DNAH9: variants seen among roughly 807,000 people sequenced by gnomAD.
DNAH9 encodes dynein axonemal heavy chain 9.
Under a neutral mutation model 471.6 loss-of-function variants are expected in DNAH9, and 345 were observed. That is an observed-to-expected ratio of 0.73 (90% CI 0.67 to 0.80). The LOEUF is 0.80. Ranked by LOEUF, DNAH9 falls within the 30% of genes least tolerant of loss-of-function variation. DNAH9 has a pLI of 0.00. For synonymous variants in DNAH9, 2,093 were observed against 2,123.6 expected, an observed-to-expected ratio of 0.99 and a Z score of 0.40; for missense variants, 5,407 against 5,609.2, an observed-to-expected ratio of 0.96 and a Z score of 1.15.
At chr17:11,840,266 A>G (rs1970985827) in intron 49 of DNAH9, among the ~76,000 whole-genome samples, 1 of 152,198 alleles carries the variant, frequency 6.6e-6, no homozygotes, top group Non-Finnish European at 1.5e-5. Context: ...ACATAAACAG[A>G]AATACACTGT....
intron 67 of DNAH9, among the ~76,000 whole-genome samples, chr17:11,952,162 CAG>C (rs1261071550): frequency 5.1e-4 from 60 of 117,142 alleles, no homozygotes; most frequent in Non-Finnish European, 2.8e-4. Flanking sequence ...TTTTTTTTGA[CAG>C]AGTCTTGCTC....
intron 1 of DNAH9, among the ~76,000 whole-genome samples, chr17:11,604,887 A>G (rs907017646): frequency 6.6e-6 from 1 of 152,186 alleles, no homozygotes; most frequent in Non-Finnish European, 1.5e-5. Context: ...CTTAGAGCCT[A>G]TAATCACGGC....
Position 11,701,228 on chromosome 17 carries a change from T to G in DNAH9, c.5132T>G (p.Leu1711Arg), listed in dbSNP as rs1259842359. The change falls in exon 24 of 69, where the codon CTT becomes CGT. Residue 1711 changes from leucine to arginine, a missense_variant. Coordinates refer to ENST00000262442, the MANE Select transcript of DNAH9 (RefSeq NM_001372.4). ...GAAGAAAAGCCGAGGGAGCAGTGGC[T>G]TTTTGACCACCCAGCTCAGGTATTC... ...AYEEKPREQW[L>R]FDHPAQVALT... 1 of 1,613,508 alleles carries G rather than the reference T, an allele frequency of 6.2e-7. No individual in the cohort carries two copies. Among genetic ancestry groups the G allele is most frequent in the East Asian group, 2.2e-5 (1 of 44,850 alleles).
intron 43 of DNAH9, among the ~76,000 whole-genome samples, chr17:11,800,974 G>C (rs140247820): frequency 3.0e-4 from 45 of 152,252 alleles, no homozygotes; most frequent in African/African-American, 1.0e-3. Context: ...ATTATAACTA[G>C]GGTCATCAGG....
At position 11,871,799 on chromosome 17, in the gene DNAH9, T is replaced by C. The variant is rs1462471462; in HGVS notation, c.10242+13T>C. The C allele has an allele frequency of 1.9e-6, 3 of 1,612,560 alleles. No homozygotes were observed. Among genetic ancestry groups the C allele is most frequent in the Non-Finnish European group, 2.5e-6 (3 of 1,179,038 alleles). On this transcript the variant is annotated intron_variant, in intron 52 of 68. Coordinates refer to ENST00000262442, the MANE Select transcript of DNAH9 (RefSeq NM_001372.4). ...GAGCCAGCTGAAAGTACGTATGGCC[T>C]GAATTTCTCCCGACCACATCAGCCT...
rs1567800374 is a variant in DNAH9, at chr17:11,784,361, GCAT to G, written c.7888_7890del (p.Ile2630del). 1 of 1,614,160 alleles carries G rather than the reference GCAT, an allele frequency of 6.2e-7. No individual in the cohort carries two copies. Among genetic ancestry groups the G allele is most frequent in the Non-Finnish European group, 8.5e-7 (1 of 1,180,026 alleles). Reference sequence around the variant, plus strand: ...GCAGATGCCCTGTCCTCTATCTACAGCATCATCCTCACTCAGCATCTGAAGCTC... The same window carrying G: ...GCAGATGCCCTGTCCTCTATCTACAGCATCCTCACTCAGCATCTGAAGCTC... On this transcript the variant is annotated inframe_deletion, in exon 41 of 69. Transcript: ENST00000262442.
At chr17:11,887,368 CAAT>C (rs1972911744) in intron 57 of DNAH9, among the ~76,000 whole-genome samples, 1 of 152,156 alleles carries the variant, frequency 6.6e-6, no homozygotes, top group African/African-American at 2.4e-5. Context: ...CCAAAGCAGG[CAAT>C]AATAATACAC....
At position 11,744,858 on chromosome 17, in the gene DNAH9, A is replaced by G; in HGVS notation, c.6173A>G (p.Lys2058Arg). 6.2e-7 allele frequency: 1 copy of G among 1,614,190 alleles called. No homozygotes were observed. The highest frequency in any genetic ancestry group is 8.5e-7 in the Non-Finnish European group (1 of 1,180,014). ...GTGCTGGTGGTGGCAGGATCCCTGA[A>G]GAGAGGAGACCCTGACCGGCCTGAG... ...KSVLVVAGSLKRGDPDRPEDQ... is the reference protein window; with the variant it reads ...KSVLVVAGSLRRGDPDRPEDQ... The change falls in exon 31 of 69, where the codon AAG (lysine) becomes AGG (arginine). Residue 2058 changes from lysine (K) to arginine (R), a missense_variant. By Grantham distance (26) the Lys-to-Arg change is conservative (BLOSUM62 2). Transcript: ENST00000262442.
Position 11,799,032 on chromosome 17 carries a change from G to A in DNAH9, c.8420+1239G>A, listed in dbSNP as rs78610696. Among the ~76,000 whole-genome samples, 594 of 152,128 alleles carry A rather than the reference G, an allele frequency of 3.9e-3. 10 individuals are homozygous for A. Among genetic ancestry groups the A allele is most frequent in the African/African-American group, 0.014 (563 of 41,492 alleles). On this transcript the variant is annotated intron_variant, in intron 43 of 68. Transcript: ENST00000262442. ...TCATCCGCTAATGGCCTTAGTCCCT[G>A]GGCACCCTTCCTCCTCACCCATGTC...
At chr17:11,739,649 C>T (rs1330819786) in intron 29 of DNAH9, among the ~76,000 whole-genome samples, 5 of 152,128 alleles carry the variant, frequency 3.3e-5, no homozygotes, top group Non-Finnish European at 5.9e-5. Flanking sequence ...CTCCTCGTAG[C>T]GACGCATGAG....
chr17:11,894,076 T>C (rs1973148074), intron 58 of DNAH9, among the ~76,000 whole-genome samples: 1 of 152,180 alleles, frequency 6.6e-6, no homozygotes, highest in African/African-American at 2.4e-5. Flanking sequence ...CTCAATTAGA[T>C]TGCAGAAACA....
chr17:11,960,464 C>CAAAAAAAAAAAA (rs1976026483), intron 67 of DNAH9, among the ~76,000 whole-genome samples: 1 of 86,462 alleles, frequency 1.2e-5, no homozygotes, highest in Non-Finnish European at 2.3e-5. Context: ...AAAAAAAAAT[C>CAAAAAAAAAAAA]CAAAAGTGGC....
intron 67 of DNAH9, among the ~76,000 whole-genome samples, chr17:11,946,591 G>C (rs1010506228): frequency 7.3e-5 from 11 of 150,462 alleles, no homozygotes; most frequent in Admixed American, 2.7e-4. Flanking sequence ...GTGAACCCGG[G>C]AGGCGGAGCT....
intron 53 of DNAH9, chr17:11,875,974 T>G (rs1486724106): frequency 1.3e-5 from 2 of 152,080 alleles, no homozygotes; most frequent in Non-Finnish European, 2.9e-5. Flanking sequence ...GTTAGAGGTT[T>G]TATCTCAAAT....
At chr17:11,968,472 A>G (rs1391160759) in intron 68 of DNAH9, among the ~76,000 whole-genome samples, 1 of 152,256 alleles carries the variant, frequency 6.6e-6, no homozygotes, top group Non-Finnish European at 1.5e-5. Context: ...AGTATGGTCC[A>G]TAAGGCACTA....
chr17:11,883,879 C>A, intron 56 of DNAH9, 129 bp downstream of exon 56: 2 of 1,062,500 alleles, frequency 1.9e-6, no homozygotes, highest in African/African-American at 1.6e-5. Flanking sequence ...TCTGTCTTAG[C>A]AAGGTTCTTC....
At chr17:11,871,553 A>C (rs1343583749) in intron 51 of DNAH9, 45 bp from the exon 52 acceptor site, 1 of 1,569,670 alleles carries the variant, frequency 6.4e-7, no homozygotes, top group Non-Finnish European at 8.7e-7. Flanking sequence ...TCTATCACCT[A>C]CTGTGTAACA....
chr17:11,943,494 C>T (rs987788820), intron 67 of DNAH9, among the ~76,000 whole-genome samples: 11 of 151,996 alleles, frequency 7.2e-5, no homozygotes, highest in East Asian at 2.0e-4. Flanking sequence ...CTGGCTAGCA[C>T]GGTGAAACCC....
chr17:11,904,040 G>C (rs1029365951), intron 60 of DNAH9, among the ~76,000 whole-genome samples: 22 of 152,194 alleles, frequency 1.4e-4, no homozygotes, highest in African/African-American at 4.8e-4. Context: ...TAAAAGGCTT[G>C]GGTCAAAGAG....
Sources: allele counts gnomAD v4.1 joint callset (sites outside exome capture counted in the v4.1 genomes callset), GRCh38; gene constraint gnomAD v4.1.1; transcripts MANE v1.5; gene names NCBI Gene and HGNC (gene_info 2026-07-23, HGNC 2026-07-21).